ATP13A1: variants seen among roughly 807,000 people sequenced by gnomAD.
The protein encoded by ATP13A1 is endoplasmic reticulum transmembrane helix translocase.
In ATP13A1, 55 loss-of-function variants were observed where a neutral mutation model predicts 134.8. The observed-to-expected ratio is 0.41, with a 90% CI of 0.33 to 0.51. The LOEUF (loss-of-function observed/expected upper bound fraction) is 0.51. Ranked by LOEUF, ATP13A1 falls within the 20% of genes least tolerant of loss-of-function variation. The pLI is 0.29. For missense variants in ATP13A1, 1,389 were observed against 1,652.8 expected, an observed-to-expected ratio of 0.84 and a Z score of 2.77; for synonymous variants, 775 against 725.1, an observed-to-expected ratio of 1.07 and a Z score of -1.10.
rs544960226 is a variant in ATP13A1, at chr19:19,652,546, C to T, written c.2226+49G>A. The T allele has an allele frequency of 9.5e-5, 149 of 1,573,178 alleles. 4 individuals are homozygous for T. The South Asian group carries it at 1.6e-3, about 17-fold the overall frequency. On this transcript the variant is annotated intron_variant, in intron 16 of 25. Coordinates refer to ENST00000357324, the MANE Select transcript of ATP13A1 (RefSeq NM_020410.3). Reference sequence around the variant, plus strand: ...ACCACGAAGCTGTAATTGTCATCTCCTCGCCTCTATTTCCCATGCAGAGGG... The same window carrying T: ...ACCACGAAGCTGTAATTGTCATCTCTTCGCCTCTATTTCCCATGCAGAGGG...
In ATP13A1 at chr19:19,645,840, G is replaced by C. The variant is rs1168859449; in HGVS notation, c.3360+34C>G. 1 of 1,612,258 alleles carries C rather than the reference G, an allele frequency of 6.2e-7. No homozygotes were observed. Among genetic ancestry groups the C allele is most frequent in the Non-Finnish European group, 8.5e-7 (1 of 1,179,020 alleles). On this transcript the variant is annotated intron_variant, in intron 24 of 25. Transcript: ENST00000357324. The surrounding 1 kb of genome is among the most constrained non-coding windows in gnomAD (Gnocchi z 4.1). The stretch of plus-strand genomic sequence containing the variant: ...TTCATGGGGTGGGGCTGGGTGGGCA[G>C]ACAGTGAATGTTTGGGCAGGGCCCA...
intron 22 of ATP13A1, chr19:19,646,842 G>T: frequency 2.1e-6 from 1 of 483,766 alleles, no homozygotes; most frequent in South Asian, 2.7e-5. Context: ...CCACTTAGTT[G>T]TTTTTTTACC....
chr19:19,661,300 C>CG (rs917300673), intron 1 of ATP13A1, among the ~76,000 whole-genome samples: 2 of 152,150 alleles, frequency 1.3e-5, no homozygotes, highest in Admixed American at 1.3e-4. Context: ...CACAGGCCCC[C>CG]GGCCTCCTGC....
chr19:19,650,048 C>G (rs572640073), intron 17 of ATP13A1, 108 bp from the exon 18 acceptor site: 13 of 1,017,016 alleles, frequency 1.3e-5, no homozygotes, highest in Non-Finnish European at 1.7e-5. Context: ...CTCTGGAGCC[C>G]GCACCTCCCT....
At chr19:19,658,426 G>A (rs558146796) in intron 3 of ATP13A1, among the ~76,000 whole-genome samples, 3 of 152,306 alleles carry the variant, frequency 2.0e-5, no homozygotes, top group Admixed American at 6.5e-5. Flanking sequence ...GAAAGGGAAC[G>A]TAGTTGCCAC....
At position 19,647,306 on chromosome 19, in the gene ATP13A1, C is replaced by G. The variant is rs2061992222; in HGVS notation, c.2928G>C (p.Gln976His). The change falls in exon 22 of 26, where the codon CAG (glutamine) becomes CAC (histidine). Residue 976 changes from glutamine to histidine, a missense_variant. Gln to His is a conservative substitution (Grantham distance 24, BLOSUM62 0). Transcript: ENST00000357324. This position sits in a 1 kb window ranked among gnomAD's most constrained non-coding sequence, Gnocchi z 4.8. The part of the protein sequence containing the change: ...SIQCICHVIK[Q>H]GRCTLVTTLQ... ...GCGTGGTCACCAGCGTGCAGCGGCC[C>G]TGCTTGATCACGTGGCAGACTGCAG... is the stretch of plus-strand genomic sequence containing the variant. The G allele has an allele frequency of 2.5e-6, 4 of 1,612,458 alleles. No homozygotes were observed. In the South Asian group the frequency reaches 4.4e-5, roughly 18 times the overall value.
chr19:19,650,052 C>T (rs2062014370), intron 17 of ATP13A1, 112 bp from the exon 18 acceptor site: 2 of 956,784 alleles, frequency 2.1e-6, no homozygotes, highest in Admixed American at 2.4e-5. Flanking sequence ...GGAGCCCGCA[C>T]CTCCCTACCC....
At chr19:19,658,372 C>T (rs1030620726) in intron 3 of ATP13A1, among the ~76,000 whole-genome samples, 1 of 152,080 alleles carries the variant, frequency 6.6e-6, no homozygotes. Context: ...TAAGCCCTTC[C>T]CTTGTATCTT....
rs1174489262 is a variant in ATP13A1 at position 19,656,722 on chromosome 19, G to A, written c.1021C>T (p.Leu341=). The change falls in exon 7 of 26, where the codon CTG becomes TTG. Residue 341 remains leucine (L), a synonymous_variant. Transcript: ENST00000357324. This position sits in a 1 kb window ranked among gnomAD's most constrained non-coding sequence, Gnocchi z 4.6. ...TCGTCTACGATGCAGCGGCCTCGCA[G>A]CAGAAGCACGTCACATGGCACCAGG... ...ENLVPCDVLL[L]RGRCIVDEAM... 6.2e-7 allele frequency: 1 copy of A among 1,613,798 alleles called. No homozygotes were observed. The highest frequency in any genetic ancestry group is 1.7e-5 in the Admixed American group (1 of 60,028).
At position 19,663,274 on chromosome 19, in the gene ATP13A1, G is replaced by A. The variant is rs951835231; in HGVS notation, c.393C>T (p.Thr131=). 3.8e-6 allele frequency: 6 copies of A among 1,579,240 alleles called. No individual in the cohort carries two copies. The East Asian group carries it at 1.4e-4, about 37-fold the overall frequency. ...SVHAHCALTC[T]PEYDPSKATF... is the part of the protein sequence containing the mutation. ...GGGCTCGCGTGTACACACTTACCGG[G>A]GTGCAGGTGAGCGCGCAATGCGCGT... Residue 131 remains threonine (T), a synonymous_variant, in exon 1 of 26, where the codon ACC becomes ACT. Coordinates refer to ENST00000357324, the MANE Select transcript of ATP13A1 (RefSeq NM_020410.3).
In ATP13A1 at chr19:19,645,354, C is replaced by T. The variant is rs1599424564; in HGVS notation, c.*68G>A. 11 of 1,508,472 alleles carry T rather than the reference C, an allele frequency of 7.3e-6. 1 individual carries two copies. The East Asian group carries it at 1.7e-4, about 24-fold the overall frequency. The allele number at this position is 1,508,472 out of a possible 1,614,324, so 93.4% of individuals were successfully genotyped here. ...TGGGGGGTTGGGGGCAGGGTTCCCT[C>T]CCGGGGCCCTGTTGGGGTTCCCGCC... On this transcript the variant is annotated 3_prime_UTR_variant, in exon 26 of 26. Transcript: ENST00000357324. The surrounding 1 kb of genome is among the most constrained non-coding windows in gnomAD (Gnocchi z 4.1).
chr19:19,646,288 G>C lies in ATP13A1; in HGVS notation c.3165C>G (p.Ile1055Met), dbSNP rs1428191439. Residue 1055 changes from isoleucine (I) to methionine (M), a missense_variant, in exon 23 of 26, where the codon ATC becomes ATG. By Grantham distance (10) the Ile-to-Met change is conservative. Transcript: ENST00000357324. Reference protein sequence around the residue: ...PLPNIFNLYTILTVMLQFFVH... With the variant: ...PLPNIFNLYTMLTVMLQFFVH... ...CAAAGAACTGGAGCATGACGGTGAG[G>C]ATGGTGTACAGGTTGAAGATGTTGG... 3.7e-6 allele frequency: 6 copies of C among 1,613,848 alleles called. No individual in the cohort carries two copies. The highest frequency in any genetic ancestry group is 5.1e-6 in the Non-Finnish European group (6 of 1,179,868).
intron 1 of ATP13A1, 34 bp downstream of exon 1, chr19:19,663,237 G>T: frequency 6.4e-7 from 1 of 1,561,016 alleles, no homozygotes; most frequent in Non-Finnish European, 8.7e-7. Flanking sequence ...AGGCTCGACC[G>T]TGCTGGGGGT....
At position 19,654,976 on chromosome 19, in the gene ATP13A1, G is replaced by C. The variant is rs2062047927; in HGVS notation, c.1655+143C>G. On this transcript the variant is annotated intron_variant, in intron 12 of 25. Transcript: ENST00000357324. ...TACCATGGCTGACACCCAGGACTTT[G>C]TGGGGAGCCCCTGGAAATGAACCCG... The C allele has an allele frequency of 3.0e-6, 4 of 1,348,266 alleles. 1 individual carries two copies. The Admixed American group carries it at 9.5e-5, about 32-fold the overall frequency. 83.5% of individuals were successfully genotyped at this position (1,348,266 alleles called of 1,614,324 possible).
In ATP13A1 at chr19:19,656,301, A is replaced by C. The variant is rs2062057613; in HGVS notation, c.1084-118T>G. Reference sequence around the variant, plus strand: ...GAGCCAGGGGGATCCCCACCCGACCAATACATCCCACCCAGCTCCCAGATC... The same window carrying C: ...GAGCCAGGGGGATCCCCACCCGACCCATACATCCCACCCAGCTCCCAGATC... On this transcript the variant is annotated intron_variant, in intron 7 of 25. Coordinates refer to ENST00000357324, the MANE Select transcript of ATP13A1 (RefSeq NM_020410.3). This position sits in a 1 kb window ranked among gnomAD's most constrained non-coding sequence, Gnocchi z 4.6. 5 of 1,371,136 alleles carry C rather than the reference A, an allele frequency of 3.6e-6. No homozygotes were observed. Among genetic ancestry groups the C allele is most frequent in the Non-Finnish European group, 4.9e-6 (5 of 1,013,552 alleles). 84.9% of individuals were successfully genotyped at this position (1,371,136 alleles called of 1,614,324 possible).
intron 19 of ATP13A1, among the ~76,000 whole-genome samples, chr19:19,648,058 C>T (rs1276541974): frequency 6.6e-6 from 1 of 152,176 alleles, no homozygotes; most frequent in Non-Finnish European, 1.5e-5. Context: ...GTGGCTCACA[C>T]CTGTTATCTC....
chr19:19,654,229 C>A, intron 13 of ATP13A1, 85 bp from the exon 14 acceptor site: 3 of 1,357,646 alleles, frequency 2.2e-6, no homozygotes, highest in African/African-American at 2.9e-5. Context: ...CCTCCCCCAC[C>A]TCCCTCCTGC....
At chr19:19,648,009 C>T (rs966804605) in intron 19 of ATP13A1, among the ~76,000 whole-genome samples, 1 of 152,180 alleles carries the variant, frequency 6.6e-6, no homozygotes, top group Admixed American at 6.5e-5. Flanking sequence ...ACACACAACA[C>T]GAGATAGGTC....
chr19:19,652,789 C>G, intron 15 of ATP13A1, 69 bp from the exon 16 acceptor site: 1 of 1,521,162 alleles, frequency 6.6e-7, no homozygotes, highest in Non-Finnish European at 8.8e-7. Flanking sequence ...TTCCTGAGCT[C>G]TGACCATGCG....
Sources: allele counts gnomAD v4.1 joint callset (sites outside exome capture counted in the v4.1 genomes callset), GRCh38; gene constraint gnomAD v4.1.1; non-coding constraint Gnocchi (gnomAD v3.1); transcripts MANE v1.5; gene names NCBI Gene and HGNC (gene_info 2026-07-23, HGNC 2026-07-21).